The following SLC35F1 variants were observed in gnomAD, a reference collection of about 807,000 sequenced individuals.
SLC35F1 encodes the protein chromosome 6 open reading frame 169.
In SLC35F1, 14 loss-of-function variants were observed where a neutral mutation model predicts 48.7. That is an observed-to-expected ratio of 0.29 (90% CI 0.19 to 0.45). The LOEUF (loss-of-function observed/expected upper bound fraction) is 0.45, where lower values mean the gene tolerates loss of function less well. Ranked by LOEUF, SLC35F1 falls within the 20% of genes least tolerant of loss-of-function variation. The pLI is 1.00. For missense variants in SLC35F1, 404 were observed against 500.0 expected (o/e 0.81, Z 1.83); for synonymous variants, 190 against 202.2 (o/e 0.94, Z 0.51).
intron 4 of SLC35F1, among the ~76,000 whole-genome samples, chr6:118,275,255 A>G (rs1775906396): frequency 6.6e-6 from 1 of 152,202 alleles, no homozygotes; most frequent in African/African-American, 2.4e-5. Flanking sequence ...AAGACTTCTA[A>G]TTGTGTCAAC....
chr6:118,273,986 G>T (rs1775889765), intron 4 of SLC35F1, among the ~76,000 whole-genome samples: 1 of 152,160 alleles, frequency 6.6e-6, no homozygotes, highest in Admixed American at 6.5e-5. Context: ...TCTTTGATGT[G>T]AAGCCACTGA....
At chr6:118,232,144 G>A (rs927515604) in intron 2 of SLC35F1, among the ~76,000 whole-genome samples, 1 of 152,082 alleles carries the variant, frequency 6.6e-6, no homozygotes, top group African/African-American at 2.4e-5. Flanking sequence ...TGGGATCTGG[G>A]AATAAAGTGA....
intron 2 of SLC35F1, among the ~76,000 whole-genome samples, chr6:118,200,942 A>G (rs1369131915): frequency 2.0e-5 from 3 of 151,974 alleles, no homozygotes; most frequent in Admixed American, 2.0e-4. Context: ...CTGGAGTGCA[A>G]TGACGTGACG....
chr6:118,209,220 T>C (rs1774973572), intron 2 of SLC35F1, among the ~76,000 whole-genome samples: 1 of 152,238 alleles, frequency 6.6e-6, no homozygotes, highest in Non-Finnish European at 1.5e-5. Context: ...CCCTGAGTCT[T>C]TGGGTCTTCA....
chr6:118,111,717 T>C (rs1463398892), intron 1 of SLC35F1, among the ~76,000 whole-genome samples: 1 of 152,166 alleles, frequency 6.6e-6, no homozygotes, highest in Non-Finnish European at 1.5e-5. Flanking sequence ...ATCTAACAGA[T>C]AACAATGTAT....
chr6:118,302,148 T>C (rs1271594525), intron 7 of SLC35F1, among the ~76,000 whole-genome samples: 1 of 152,182 alleles, frequency 6.6e-6, no homozygotes, highest in Non-Finnish European at 1.5e-5. Flanking sequence ...ATACACACAA[T>C]GCTGTGAAAT....
chr6:118,125,523 T>C (rs1773612502), intron 1 of SLC35F1, among the ~76,000 whole-genome samples: 1 of 152,206 alleles, frequency 6.6e-6, no homozygotes, highest in Admixed American at 6.5e-5. Flanking sequence ...TAACTGGCCC[T>C]GTTTATTTGT....
intron 1 of SLC35F1, among the ~76,000 whole-genome samples, chr6:118,065,419 T>G (rs1423716669): frequency 6.6e-6 from 1 of 152,118 alleles, no homozygotes; most frequent in African/African-American, 2.4e-5. Context: ...CAGGCTGTAC[T>G]CACAACAAAA....
intron 3 of SLC35F1, among the ~76,000 whole-genome samples, chr6:118,255,997 A>C (rs1196350187): frequency 1.3e-5 from 2 of 152,118 alleles, no homozygotes; most frequent in East Asian, 3.9e-4. Context: ...AGTGTAAGAG[A>C]GGTGGTGGCT....
intron 1 of SLC35F1, among the ~76,000 whole-genome samples, chr6:118,084,825 A>T (rs1265987257): frequency 1.3e-5 from 2 of 151,996 alleles, no homozygotes; most frequent in Admixed American, 6.6e-5. Flanking sequence ...TTGCTCTGAG[A>T]TGATTCCCTG....
chr6:118,101,061 G>C lies in SLC35F1; in HGVS notation c.174-53384G>C, dbSNP rs991365075. 2.6e-5 allele frequency among the ~76,000 whole-genome samples: 4 copies of C among 151,664 alleles called. No homozygotes were observed. In the East Asian group the frequency reaches 7.7e-4, roughly 29 times the overall value. ...GGAAGGTAGTGAAACAGAGTTGCCT[G>C]TTCAGATAGGAATTTTATGACATCT... On this transcript the variant is annotated intron_variant, in intron 1 of 7. Transcript: ENST00000360388.
intron 1 of SLC35F1, among the ~76,000 whole-genome samples, chr6:118,041,912 G>A (rs1353667253): frequency 6.6e-6 from 1 of 151,556 alleles, no homozygotes. Flanking sequence ...GTTATTCATG[G>A]TCATTTGCTA....
chr6:117,989,721 G>T (rs1776892541), intron 1 of SLC35F1, among the ~76,000 whole-genome samples: 1 of 152,084 alleles, frequency 6.6e-6, no homozygotes, highest in Non-Finnish European at 1.5e-5. Context: ...TTCAGTGAAT[G>T]GATATAAATT....
At position 117,980,726 on chromosome 6, in the gene SLC35F1, T is replaced by A. The variant is rs1344404037; in HGVS notation, c.173+72827T>A. On this transcript the variant is annotated intron_variant, in intron 1 of 7. Coordinates refer to ENST00000360388, the MANE Select transcript of SLC35F1 (RefSeq NM_001029858.4). The stretch of plus-strand genomic sequence containing the variant: ...CTAGAAATATTTATAAAGTGTCATA[T>A]GATTACTGAAGAGTCTGTGAAAGAG... Among the ~76,000 whole-genome samples, 3 of 152,326 alleles carry A rather than the reference T, an allele frequency of 2.0e-5. No individual in the cohort carries two copies. In the East Asian group the frequency reaches 5.8e-4, roughly 29 times the overall value.
At chr6:118,046,190 A>G (rs892533834) in intron 1 of SLC35F1, among the ~76,000 whole-genome samples, 17 of 152,170 alleles carry the variant, frequency 1.1e-4, no homozygotes, top group African/African-American at 4.1e-4. Flanking sequence ...CTAAATGAAT[A>G]CCTTTTCATA....
chr6:117,953,994 G>A (rs574564395), intron 1 of SLC35F1, among the ~76,000 whole-genome samples: 1 of 152,280 alleles, frequency 6.6e-6, no homozygotes, highest in East Asian at 1.9e-4. Flanking sequence ...TGGATGAAGA[G>A]AATCTTCAGC....
intron 1 of SLC35F1, among the ~76,000 whole-genome samples, chr6:118,026,128 G>A (rs1360447549): frequency 1.3e-5 from 2 of 152,186 alleles, no homozygotes; most frequent in East Asian, 3.8e-4. Flanking sequence ...CAGTACAGAA[G>A]TTAGGAGTCA....
At chr6:118,277,694 A>C in intron 6 of SLC35F1, 148 bp downstream of exon 6, 1 of 714,486 alleles carries the variant, frequency 1.4e-6, no homozygotes, top group Non-Finnish European at 2.5e-6. Flanking sequence ...ATTTCAGGAA[A>C]TCCTGCACAC....
intron 2 of SLC35F1, among the ~76,000 whole-genome samples, chr6:118,231,851 A>G (rs1043706019): frequency 6.6e-6 from 1 of 152,342 alleles, no homozygotes; most frequent in Non-Finnish European, 1.5e-5. Context: ...TAACTGGGAC[A>G]AGGGTCTGTG....
Sources: gnomAD v4.1 joint callset for allele counts (sites outside exome capture counted in the v4.1 genomes callset) on GRCh38, gnomAD v4.1.1 for gene constraint, MANE v1.5 for transcripts, NCBI Gene and HGNC (gene_info 2026-07-23, HGNC 2026-07-21) for gene names.